The following COLEC10 variants were observed in gnomAD, a reference collection of about 807,000 sequenced individuals.
The protein encoded by COLEC10 is collectin subfamily member 10.
In COLEC10, 22 loss-of-function variants were observed where a neutral mutation model predicts 28.4. The observed-to-expected ratio is 0.78, with a 90% confidence interval of 0.55 to 1.11. COLEC10 has a LOEUF of 1.11. COLEC10 is among the 50% of genes least tolerant of loss of function. COLEC10 has a pLI of 0.00. For missense variants in COLEC10, 361 were observed against 344.1 expected (o/e 1.05, Z -0.39); for synonymous variants, 125 against 116.1 (o/e 1.08, Z -0.49).
the COLEC10 span, among the ~76,000 whole-genome samples, chr8:118,968,394 G>A: frequency 6.6e-6 from 1 of 151,840 alleles, no homozygotes; most frequent in South Asian, 2.1e-4. Context: ...ATAGACAGGA[G>A]TCACCTGACA....
the COLEC10 span, among the ~76,000 whole-genome samples, chr8:118,987,627 T>A: frequency 1.1e-4 from 16 of 152,152 alleles, no homozygotes; most frequent in Admixed American, 5.2e-4. Flanking sequence ...CAAGAAAACA[T>A]TTAAACAATA....
chr8:118,985,780 C>G, the COLEC10 span, among the ~76,000 whole-genome samples: 7 of 152,098 alleles, frequency 4.6e-5, no homozygotes, highest in Admixed American at 4.6e-4. Flanking sequence ...AAAAGCATAG[C>G]TCCAAACACA....
chr8:119,071,319 A>T (rs1407030211), intron 1 of COLEC10, among the ~76,000 whole-genome samples: 1 of 152,130 alleles, frequency 6.6e-6, no homozygotes, highest in Non-Finnish European at 1.5e-5. Flanking sequence ...GGGCCTTTTC[A>T]ATGACATTTT....
chr8:118,990,105 T>C, the COLEC10 span, among the ~76,000 whole-genome samples: 1 of 152,076 alleles, frequency 6.6e-6, no homozygotes, highest in African/African-American at 2.4e-5. Flanking sequence ...GGAAAAAAGA[T>C]AGATAAAAAC....
intron 2 of COLEC10, among the ~76,000 whole-genome samples, chr8:119,019,260 T>C (rs1814049819): frequency 6.6e-6 from 1 of 152,114 alleles, no homozygotes; most frequent in Non-Finnish European, 1.5e-5. Flanking sequence ...GGCTTGCAAA[T>C]TCAGGGTCAG....
chr8:119,075,923 CAG>C (rs140995913), intron 1 of COLEC10, among the ~76,000 whole-genome samples: 53,041 of 118,814 alleles, frequency 0.45, 11,946 homozygotes, highest in Middle Eastern at 0.61. Flanking sequence ...TTTTGTGAGA[CAG>C]AGTCTCGCTC....
chr8:118,969,786 G>A, the COLEC10 span, among the ~76,000 whole-genome samples: 1 of 150,912 alleles, frequency 6.6e-6, no homozygotes, highest in Non-Finnish European at 1.5e-5. Context: ...TACACGCACT[G>A]TAGCAAATTA....
At chr8:119,002,338 A>G (rs1247830639) in intron 1 of COLEC10, among the ~76,000 whole-genome samples, 1 of 152,152 alleles carries the variant, frequency 6.6e-6, no homozygotes, top group Non-Finnish European at 1.5e-5. Flanking sequence ...TTATCACACT[A>G]ATACCACTTA....
At chr8:118,996,277 T>C (rs1218451576) in intron 1 of COLEC10, among the ~76,000 whole-genome samples, 1 of 152,170 alleles carries the variant, frequency 6.6e-6, no homozygotes, top group African/African-American at 2.4e-5. Context: ...CACACAACCA[T>C]GATAGAGATT....
chr8:119,087,092 C>G (rs1044483281), intron 1 of COLEC10, among the ~76,000 whole-genome samples: 6 of 152,152 alleles, frequency 3.9e-5, no homozygotes, highest in Admixed American at 3.9e-4. Flanking sequence ...ATGTCAAGTG[C>G]TAAGAACATT....
intron 1 of COLEC10, among the ~76,000 whole-genome samples, chr8:119,079,071 A>ACAGGG (rs1815316300): frequency 6.6e-6 from 1 of 151,726 alleles, no homozygotes; most frequent in East Asian, 1.9e-4. Context: ...AATCTGCATG[A>ACAGGG]CAGGGTAAGG....
the COLEC10 span, among the ~76,000 whole-genome samples, chr8:118,979,783 T>G: frequency 3.9e-5 from 6 of 152,162 alleles, no homozygotes; most frequent in Non-Finnish European, 8.8e-5. Context: ...ATGTCTGGAA[T>G]AGCTTTCTAG....
chr8:119,091,595 G>GAGAGAGAA (rs1250359009), intron 3 of COLEC10, among the ~76,000 whole-genome samples: 31 of 138,472 alleles, frequency 2.2e-4, no homozygotes, highest in East Asian at 1.8e-3. Context: ...GAGAGAGAGA[G>GAGAGAGAA]AGAAAGAAAG....
upstream of COLEC10, among the ~76,000 whole-genome samples, chr8:119,066,652 T>C (rs1261724572): frequency 6.6e-6 from 1 of 152,204 alleles, no homozygotes; most frequent in East Asian, 1.9e-4. Context: ...CTAAAAGCTA[T>C]AAACTAGGCC....
chr8:118,991,903 G>GT (rs1350603986), upstream of COLEC10, among the ~76,000 whole-genome samples: 1 of 152,010 alleles, frequency 6.6e-6, no homozygotes, highest in Non-Finnish European at 1.5e-5. Flanking sequence ...TATTATTCTT[G>GT]TTTTACAGAT....
chr8:119,025,066 C>G (rs900868728), intron 2 of COLEC10, among the ~76,000 whole-genome samples: 6 of 152,122 alleles, frequency 3.9e-5, no homozygotes, highest in Non-Finnish European at 8.8e-5. Context: ...TCCAGTAACA[C>G]ATATTTGTGT....
chr8:119,089,687 T>C lies in COLEC10; in HGVS notation c.156T>C (p.Asp52=). 2 of 1,613,070 alleles carry C rather than the reference T, an allele frequency of 1.2e-6. No homozygotes were observed. The highest frequency in any genetic ancestry group is 1.3e-5 in the African/African-American group (1 of 74,982). ...HTISPGPKGD[D]GEKGDPGEEG... is the part of the protein sequence containing the mutation. ...CATTTTCTGTTTCAAAAGGAGATGA[T>C]GGTGAAAAAGGAGATCCAGGAGAAG... The change falls in exon 2 of 6, where the codon GAT becomes GAC. Residue 52 remains aspartate (D), a synonymous_variant. Coordinates refer to ENST00000332843, the MANE Select transcript of COLEC10 (RefSeq NM_006438.5).
At chr8:119,028,900 A>G (rs532337577) in intron 2 of COLEC10, among the ~76,000 whole-genome samples, 2 of 152,330 alleles carry the variant, frequency 1.3e-5, no homozygotes, top group South Asian at 4.1e-4. Flanking sequence ...TACTTTATTC[A>G]ACAATTATGT....
chr8:119,007,642 A>G (rs1182465434), intron 1 of COLEC10, among the ~76,000 whole-genome samples: 2 of 151,160 alleles, frequency 1.3e-5, no homozygotes, highest in Non-Finnish European at 2.9e-5. Context: ...GAAGTAATTA[A>G]GCGCAGGGAA....
Sources: gnomAD v4.1 joint callset for allele counts (sites outside exome capture counted in the v4.1 genomes callset) on GRCh38, gnomAD v4.1.1 for gene constraint, MANE v1.5 for transcripts, NCBI Gene and HGNC (gene_info 2026-07-23, HGNC 2026-07-21) for gene names.